Variants in ZFHX3 observed in about 807,000 individuals in gnomAD.
The protein encoded by ZFHX3 is zinc finger homeobox 3.
ZFHX3 carries 42 observed loss-of-function variants against 279.1 expected under a neutral mutation model. That is an observed-to-expected ratio of 0.15 (90% CI 0.12 to 0.19). The LOEUF is 0.19. Among genes scored for constraint, ZFHX3 ranks in the 10% least tolerant of loss-of-function variants. ZFHX3 has a pLI of 1.00. For synonymous variants in ZFHX3, 2,293 were observed against 1,957.8 expected (o/e 1.17, Z -4.52); for missense variants, 4,981 against 4,754.0 (o/e 1.05, Z -1.40).
At chr16:73,858,488 C>T (rs1240192147) in intron 1 of ZFHX3, among the ~76,000 whole-genome samples, 1 of 152,156 alleles carries the variant, frequency 6.6e-6, no homozygotes, top group African/African-American at 2.4e-5. Context: ...ATTATGTTTC[C>T]ATGAATTGCA....
In ZFHX3 at chr16:73,403,943, AT is replaced by A. The variant is rs938223342; in HGVS notation, c.-1291+52059del. 1.2e-3 allele frequency among the ~76,000 whole-genome samples: 187 copies of A among 150,184 alleles called. 2 individuals are homozygous for A. Among genetic ancestry groups the A allele is most frequent in the African/African-American group, 4.0e-3 (162 of 40,868 alleles). ...GGATGCTCTGTCTTTGGATCTTGGG[AT>A]TTTTTTTTTCCAGGCGAAAATGGAA... On this transcript the variant is annotated intron_variant, in intron 3 of 17. Coordinates refer to the ZFHX3 transcript ENST00000641206.
intron 1 of ZFHX3, among the ~76,000 whole-genome samples, chr16:73,887,577 C>T (rs1354056346): frequency 6.6e-6 from 1 of 151,924 alleles, no homozygotes; most frequent in Non-Finnish European, 1.5e-5. Flanking sequence ...AAAAAGCAGG[C>T]TCTTGTCAGA....
intron 8 of ZFHX3, among the ~76,000 whole-genome samples, chr16:73,072,353 A>T (rs1046323661): frequency 5.3e-5 from 8 of 150,864 alleles, no homozygotes; most frequent in African/African-American, 1.9e-4. Flanking sequence ...CTGAGGCAGG[A>T]GACTCGCTTG....
chr16:73,129,754 A>C (rs952055952), intron 7 of ZFHX3, among the ~76,000 whole-genome samples: 1 of 151,570 alleles, frequency 6.6e-6, no homozygotes, highest in East Asian at 1.9e-4. Flanking sequence ...CCACTCGCCA[A>C]TGTCTGTGCT....
intron 1 of ZFHX3, among the ~76,000 whole-genome samples, chr16:73,880,520 G>A (rs1170813506): frequency 1.3e-5 from 2 of 152,108 alleles, no homozygotes; most frequent in Non-Finnish European, 2.9e-5. Context: ...ATAAAAGTAA[G>A]AAAAGAAGTT....
intron 2 of ZFHX3, among the ~76,000 whole-genome samples, chr16:73,509,403 CT>C (rs1742122964): frequency 6.6e-6 from 1 of 151,996 alleles, no homozygotes; most frequent in African/African-American, 2.4e-5. Flanking sequence ...GTCTCCTGGC[CT>C]TTTTGTATAA....
At chr16:73,387,952 C>A (rs1313750550) in intron 3 of ZFHX3, among the ~76,000 whole-genome samples, 2 of 151,838 alleles carry the variant, frequency 1.3e-5, no homozygotes, top group African/African-American at 4.8e-5. Flanking sequence ...AAACGCTCTG[C>A]CAAGCTGAAG....
intron 3 of ZFHX3, among the ~76,000 whole-genome samples, chr16:73,334,830 T>A (rs2015880769): frequency 7.0e-6 from 1 of 141,878 alleles, no homozygotes; most frequent in Non-Finnish European, 1.5e-5. Flanking sequence ...TTTTTTTTTT[T>A]TTTTTTGCAA....
intron 2 of ZFHX3, among the ~76,000 whole-genome samples, chr16:73,541,506 A>T (rs542849068): frequency 5.9e-5 from 9 of 152,070 alleles, no homozygotes; most frequent in Admixed American, 2.6e-4. Context: ...AATAAAAATA[A>T]AAATAAAACA....
intron 1 of ZFHX3, among the ~76,000 whole-genome samples, chr16:73,032,562 A>T (rs1964743926): frequency 6.6e-6 from 1 of 152,118 alleles, no homozygotes; most frequent in South Asian, 2.1e-4. Flanking sequence ...CCAAAAAGAG[A>T]CCAAAATAAC....
intron 3 of ZFHX3, among the ~76,000 whole-genome samples, chr16:73,366,298 G>C (rs1183897303): frequency 2.0e-5 from 3 of 152,158 alleles, no homozygotes; most frequent in Admixed American, 6.5e-5. Flanking sequence ...ATACTATGTA[G>C]CTATTAATAG....
chr16:72,962,478 C>T (rs754224574), intron 1 of ZFHX3, among the ~76,000 whole-genome samples: 7 of 152,198 alleles, frequency 4.6e-5, no homozygotes, highest in Non-Finnish European at 7.3e-5. Context: ...CACCCATTCA[C>T]GGGGAGCAGC....
In ZFHX3 at chr16:72,787,454, C is replaced by A; in HGVS notation, c.10822G>T (p.Ala3608Ser). The change falls in exon 10 of 10, where the codon GCT becomes TCT. Residue 3608 changes from alanine to serine, a missense_variant. Ala to Ser is a moderately conservative substitution (Grantham distance 99). This residue lies in a region of ZFHX3 where 1,034 missense variants were observed against 786.0 expected (regional missense o/e 1.32). Transcript: ENST00000268489. The stretch of plus-strand genomic sequence containing the variant: ...GACTTCCTGGAGGCGTGGGGGGAAG[C>A]GGAGGAGGGGGCGGCGGCCGACGGG... ...PPPSAAAPSS[A>S]SPHASRKSWP... The A allele has an allele frequency of 8.7e-7, 1 of 1,146,504 alleles. No individual in the cohort carries two copies. The highest frequency in any genetic ancestry group is 1.1e-6 in the Non-Finnish European group (1 of 913,124). 71.0% of individuals were successfully genotyped at this position (1,146,504 alleles called of 1,614,324 possible). A position where few individuals can be genotyped will look rare whatever the true frequency, so the allele number is the denominator to read the frequency against.
At chr16:73,796,869 C>T (rs561322865) in intron 1 of ZFHX3, among the ~76,000 whole-genome samples, 20 of 152,256 alleles carry the variant, frequency 1.3e-4, no homozygotes, top group African/African-American at 4.8e-4. Context: ...GTCCTGGATC[C>T]CTTGCACTGA....
chr16:73,787,567 T>C (rs577951817), intron 1 of ZFHX3, among the ~76,000 whole-genome samples: 2 of 152,288 alleles, frequency 1.3e-5, no homozygotes, highest in Non-Finnish European at 1.5e-5. Flanking sequence ...ATTCATTAGG[T>C]ATTCAAACAG....
At position 73,541,486 on chromosome 16, in the gene ZFHX3, A is replaced by AAAAAAT. The variant is rs559539598; in HGVS notation, c.-1546-85234_-1546-85229dup. The stretch of plus-strand genomic sequence containing the variant: ...GGGGGACACAGCAAGACTGGTCTCA[A>AAAAAAT]AAAAATAAAAATAAAAATAAAAATA... On this transcript the variant is annotated intron_variant, in intron 2 of 17. Coordinates refer to the ZFHX3 transcript ENST00000641206. 3.1e-3 allele frequency among the ~76,000 whole-genome samples: 475 copies of AAAAAAT among 152,236 alleles called. 1 individual carries two copies. Among genetic ancestry groups the AAAAAAT allele is most frequent in the Non-Finnish European group, 5.6e-3 (382 of 68,018 alleles).
At chr16:73,112,438 C>G (rs1310282159) in intron 7 of ZFHX3, among the ~76,000 whole-genome samples, 2 of 152,060 alleles carry the variant, frequency 1.3e-5, no homozygotes, top group Non-Finnish European at 2.9e-5. Context: ...AAAGGCCGAA[C>G]CCAGTGGCTG....
At chr16:73,691,018 GT>G in intron 1 of ZFHX3, among the ~76,000 whole-genome samples, 1 of 152,320 alleles carries the variant, frequency 6.6e-6, no homozygotes, top group Non-Finnish European at 1.5e-5. Context: ...ACTGGACACT[GT>G]AAAAGTAAAA....
At position 73,890,280 on chromosome 16, in the gene ZFHX3, T is replaced by C. The variant is rs896220356; in HGVS notation, c.-1608+1371A>G. 2.0e-5 allele frequency among the ~76,000 whole-genome samples: 3 copies of C among 151,420 alleles called. No individual in the cohort carries two copies. The East Asian group carries it at 5.8e-4, about 29-fold the overall frequency. ...CAACAAAAAAAAACCTCTCCCTTCT[T>C]CCCCTTTTACAACGACTCTGTGCAC... On this transcript the variant is annotated intron_variant, in intron 1 of 17. Transcript: ENST00000641206.
Sources: allele counts gnomAD v4.1 joint callset (sites outside exome capture counted in the v4.1 genomes callset), GRCh38; gene constraint gnomAD v4.1.1; regional missense constraint gnomAD v4.1.1; transcripts MANE v1.5; gene names NCBI Gene and HGNC (gene_info 2026-07-23, HGNC 2026-07-21).